Variants in CTDSPL observed in about 807,000 individuals in gnomAD.
The protein encoded by CTDSPL is CTD small phosphatase like.
In CTDSPL, 8 loss-of-function variants were observed where a neutral mutation model predicts 30.5. The observed-to-expected ratio is 0.26, with a 90% CI of 0.15 to 0.47. The LOEUF is 0.47. Ranked by LOEUF, CTDSPL falls within the 20% of genes least tolerant of loss-of-function variation. The probability of loss-of-function intolerance (pLI) is 0.99; values close to 1 mark genes in which losing one functional copy is unlikely to be tolerated. For synonymous variants in CTDSPL, 110 were observed against 137.9 expected (o/e 0.80, Z 1.42); for missense variants, 248 against 366.1 (o/e 0.68, Z 2.63).
intron 3 of CTDSPL, among the ~76,000 whole-genome samples, chr3:37,963,169 C>T (rs948035212): frequency 2.0e-5 from 3 of 152,152 alleles, no homozygotes; most frequent in African/African-American, 7.2e-5. Flanking sequence ...GATGGGAGGC[C>T]ATAAAGGCTC....
intron 3 of CTDSPL, among the ~76,000 whole-genome samples, chr3:37,957,483 C>T (rs1699187613): frequency 6.6e-6 from 1 of 152,198 alleles, no homozygotes; most frequent in Non-Finnish European, 1.5e-5. Flanking sequence ...GCCTCAACTC[C>T]ATAGATTGGC....
intron 1 of CTDSPL, among the ~76,000 whole-genome samples, chr3:37,892,863 ATCTTCTGG>A (rs1284182553): frequency 1.1e-4 from 17 of 152,330 alleles, no homozygotes; most frequent in African/African-American, 3.8e-4. Flanking sequence ...TTTTTAATTT[ATCTTCTGG>A]TCCTTTGTCT....
rs1699498026 is a variant in CTDSPL, at chr3:37,982,017, A to G, written c.*1150A>G. The G allele has an allele frequency of 2.5e-6, 1 of 407,374 alleles. No individual in the cohort carries two copies. Among genetic ancestry groups the G allele is most frequent in the Non-Finnish European group, 5.0e-6 (1 of 201,382 alleles). 25.2% of individuals were successfully genotyped at this position (407,374 alleles called of 1,614,324 possible). ...TCCCATTGCAGCCTCCACCACCTGT[A>G]ACCCCTTCCTGGCATTGGCCACTGA... is the stretch of plus-strand genomic sequence containing the variant. On this transcript the variant is annotated 3_prime_UTR_variant, in exon 8 of 8. Coordinates refer to ENST00000273179, the MANE Select transcript of CTDSPL (RefSeq NM_001008392.2).
intron 1 of CTDSPL, among the ~76,000 whole-genome samples, chr3:37,910,104 G>A (rs1698564757): frequency 6.6e-6 from 1 of 152,218 alleles, no homozygotes; most frequent in African/African-American, 2.4e-5. Flanking sequence ...GAGGGTTGTT[G>A]TAAGGATTCA....
chr3:37,865,239 G>T (rs930889940), intron 1 of CTDSPL, among the ~76,000 whole-genome samples: 4 of 152,156 alleles, frequency 2.6e-5, no homozygotes, highest in Non-Finnish European at 5.9e-5. Flanking sequence ...AGCCTACTTT[G>T]CAATCTGGAA....
At chr3:37,878,930 A>G (rs974705947) in intron 1 of CTDSPL, among the ~76,000 whole-genome samples, 13 of 152,240 alleles carry the variant, frequency 8.5e-5, no homozygotes, top group African/African-American at 3.1e-4. Context: ...AGGGTGTCTA[A>G]GAGAATAAGG....
intron 6 of CTDSPL, among the ~76,000 whole-genome samples, chr3:37,973,991 G>A (rs1245596768): frequency 6.6e-6 from 1 of 152,230 alleles, no homozygotes; most frequent in Admixed American, 6.5e-5. Flanking sequence ...TGCAGCCCAG[G>A]ACAGCTTTAG....
chr3:37,910,087 TC>T (rs765043230), intron 1 of CTDSPL, among the ~76,000 whole-genome samples: 1 of 152,178 alleles, frequency 6.6e-6, no homozygotes, highest in Non-Finnish European at 1.5e-5. Flanking sequence ...TAATAGTACC[TC>T]CCTCAGAGGG....
At chr3:37,930,254 A>C (rs1042106770) in intron 1 of CTDSPL, among the ~76,000 whole-genome samples, 2 of 151,574 alleles carry the variant, frequency 1.3e-5, no homozygotes, top group African/African-American at 2.4e-5. Context: ...TTAAAATTTT[A>C]ATTTTTATTT....
intron 1 of CTDSPL, among the ~76,000 whole-genome samples, chr3:37,925,811 G>A (rs1030897308): frequency 5.3e-5 from 8 of 151,650 alleles, no homozygotes; most frequent in Middle Eastern, 3.4e-3. Flanking sequence ...CACTTTTCTC[G>A]CACGGGTGAC....
chr3:37,958,451 C>T (rs1412629587), intron 3 of CTDSPL, among the ~76,000 whole-genome samples: 1 of 152,120 alleles, frequency 6.6e-6, no homozygotes, highest in Non-Finnish European at 1.5e-5. Flanking sequence ...ATATTTTTTT[C>T]CTGCAGAGGT....
chr3:37,983,826 A>G lies in CTDSPL; in HGVS notation c.*2959A>G. 5.9e-6 allele frequency: 1 copy of G among 169,514 alleles called. No homozygotes were observed. The highest frequency in any genetic ancestry group is 1.5e-4 in the East Asian group (1 of 6,806). 10.5% of individuals were successfully genotyped at this position (169,514 alleles called of 1,614,324 possible). On this transcript the variant is annotated 3_prime_UTR_variant, in exon 8 of 8. Transcript: ENST00000273179. The stretch of plus-strand genomic sequence containing the variant: ...AAATAATGCATTTGCATACTGAAAA[A>G]GGAATGCCACCTGCCACAGTTGATG...
chr3:37,896,433 C>G (rs1306225760), intron 1 of CTDSPL, among the ~76,000 whole-genome samples: 2 of 152,092 alleles, frequency 1.3e-5, no homozygotes, highest in African/African-American at 4.8e-5. Context: ...AAGGTAGGAC[C>G]AGGGCCTTGA....
intron 1 of CTDSPL, among the ~76,000 whole-genome samples, chr3:37,873,033 C>A (rs1419157329): frequency 6.6e-6 from 1 of 152,144 alleles, no homozygotes; most frequent in Admixed American, 6.5e-5. Context: ...AAGGGGAGCA[C>A]CTCATTACTG....
chr3:37,961,425 C>T (rs1036591091), intron 3 of CTDSPL, among the ~76,000 whole-genome samples: 3 of 152,068 alleles, frequency 2.0e-5, no homozygotes, highest in Non-Finnish European at 2.9e-5. Context: ...CAGTGAGGAA[C>T]GCCACTGAGG....
At chr3:37,950,884 G>A (rs1406402272) in intron 2 of CTDSPL, among the ~76,000 whole-genome samples, 1 of 152,094 alleles carries the variant, frequency 6.6e-6, no homozygotes, top group Non-Finnish European at 1.5e-5. Flanking sequence ...AACACTAAAA[G>A]CCAGAAGACT....
At chr3:37,884,207 A>G (rs1698239427) in intron 1 of CTDSPL, among the ~76,000 whole-genome samples, 1 of 152,164 alleles carries the variant, frequency 6.6e-6, no homozygotes, top group African/African-American at 2.4e-5. Context: ...CAAGGAAGTA[A>G]TTAAATTCAC....
At chr3:37,962,014 C>A (rs1699250291) in intron 3 of CTDSPL, among the ~76,000 whole-genome samples, 1 of 152,206 alleles carries the variant, frequency 6.6e-6, no homozygotes, top group African/African-American at 2.4e-5. Context: ...CTCCTCCACC[C>A]ACCCCCCGGC....
At chr3:37,872,722 C>CT (rs200679162) in intron 1 of CTDSPL, among the ~76,000 whole-genome samples, 8,953 of 151,748 alleles carry the variant, frequency 0.059, 294 homozygotes, top group African/African-American at 0.082. Context: ...CTACAAGTGC[C>CT]TGCCAGCATG....
Sources: allele counts gnomAD v4.1 joint callset (sites outside exome capture counted in the v4.1 genomes callset), GRCh38; gene constraint gnomAD v4.1.1; transcripts MANE v1.5; gene names NCBI Gene and HGNC (gene_info 2026-07-23, HGNC 2026-07-21).